The following EXOC4 variants were observed in gnomAD, a reference collection of about 807,000 sequenced individuals.
The protein encoded by EXOC4 is SEC8-like 1.
A neutral mutation model predicts 107.2 loss-of-function variants in EXOC4; 71 were observed. The ratio of observed to expected loss-of-function variants is 0.66; its 90% CI spans 0.55 to 0.81. EXOC4 has a LOEUF of 0.81. Among genes scored for constraint, EXOC4 ranks in the 30% least tolerant of loss-of-function variants. EXOC4 has a pLI of 0.00. For missense variants in EXOC4, 1,108 were observed against 1,189.6 expected (o/e 0.93, Z 1.01); for synonymous variants, 456 against 441.2 (o/e 1.03, Z -0.42).
chr7:133,662,957 G>C (rs1393118779), intron 10 of EXOC4, among the ~76,000 whole-genome samples: 1 of 152,128 alleles, frequency 6.6e-6, no homozygotes, highest in Non-Finnish European at 1.5e-5. Context: ...AAGTGATATG[G>C]CTGTTAATTT....
At chr7:133,755,644 G>A (rs569878767) in intron 10 of EXOC4, among the ~76,000 whole-genome samples, 5 of 151,654 alleles carry the variant, frequency 3.3e-5, no homozygotes, top group Non-Finnish European at 5.9e-5. Flanking sequence ...GCCTGGCATC[G>A]TTTATAATTT....
intron 10 of EXOC4, among the ~76,000 whole-genome samples, chr7:133,770,500 C>T (rs1796223824): frequency 6.6e-6 from 1 of 151,902 alleles, no homozygotes; most frequent in African/African-American, 2.4e-5. Context: ...TGTTTGTAAA[C>T]ATTGAAAGTA....
In EXOC4 at chr7:134,064,340, G is replaced by A. The variant is rs1218461717; in HGVS notation, c.2737G>A (p.Val913Met). 4 of 1,516,728 alleles carry A rather than the reference G, an allele frequency of 2.6e-6. No individual in the cohort carries two copies. Among genetic ancestry groups the A allele is most frequent in the Non-Finnish European group, 3.6e-6 (4 of 1,123,488 alleles). The allele number at this position is 1,516,728 out of a possible 1,614,324, so 94.0% of individuals were successfully genotyped here. ...CACAGCTGACGAGCTCCTGAACCTG[G>A]TGGTGGACCAGGGTGTGAAGTACAC... is the stretch of plus-strand genomic sequence containing the variant. ...YNTADELLNL[V>M]VDQGVKYTEL... Residue 913 changes from valine to methionine, a missense_variant, in exon 18 of 18, where the codon GTG (valine) becomes ATG (methionine). Transcript: ENST00000253861.
chr7:133,998,850 T>C (rs1398563378), intron 15 of EXOC4, among the ~76,000 whole-genome samples: 5 of 152,138 alleles, frequency 3.3e-5, no homozygotes, highest in African/African-American at 1.2e-4. Flanking sequence ...ATCAAGGTGA[T>C]AGAGGTAGAG....
chr7:133,909,295 G>A (rs1799636383), intron 12 of EXOC4, among the ~76,000 whole-genome samples: 1 of 152,070 alleles, frequency 6.6e-6, no homozygotes, highest in South Asian at 2.1e-4. Context: ...CTTAATGGAG[G>A]GAGCTAGATA....
At chr7:133,907,220 A>G (rs1384957899) in intron 12 of EXOC4, among the ~76,000 whole-genome samples, 2 of 152,146 alleles carry the variant, frequency 1.3e-5, no homozygotes, top group Non-Finnish European at 2.9e-5. Context: ...TATACACAAT[A>G]TCTGTTTCAT....
intron 10 of EXOC4, among the ~76,000 whole-genome samples, chr7:133,666,953 G>A (rs1361220076): frequency 6.6e-6 from 1 of 152,110 alleles, no homozygotes; most frequent in Non-Finnish European, 1.5e-5. Flanking sequence ...GCATAGTGGT[G>A]AAGTCTGGAC....
At chr7:134,035,930 A>G (rs983305080) in intron 17 of EXOC4, among the ~76,000 whole-genome samples, 1 of 152,214 alleles carries the variant, frequency 6.6e-6, no homozygotes, top group Non-Finnish European at 1.5e-5. Context: ...CCTGTTGGCC[A>G]GAACTTGATC....
intron 11 of EXOC4, among the ~76,000 whole-genome samples, chr7:133,868,712 AT>A (rs1178245327): frequency 7.2e-5 from 11 of 152,132 alleles, no homozygotes; most frequent in Non-Finnish European, 1.6e-4. Context: ...TCTTGAGTCT[AT>A]TAGAGGAACT....
chr7:133,762,252 G>A (rs1796047511), intron 10 of EXOC4, among the ~76,000 whole-genome samples: 1 of 152,068 alleles, frequency 6.6e-6, no homozygotes, highest in South Asian at 2.1e-4. Flanking sequence ...ATATGAAATT[G>A]CTGGTTTGCA....
chr7:133,763,395 G>A (rs1286713333), intron 10 of EXOC4, among the ~76,000 whole-genome samples: 1 of 152,122 alleles, frequency 6.6e-6, no homozygotes, highest in Non-Finnish European at 1.5e-5. Context: ...AGTTGTGTTG[G>A]TTGGTTTATG....
chr7:133,650,061 G>A (rs1803102008), intron 10 of EXOC4, among the ~76,000 whole-genome samples: 1 of 151,954 alleles, frequency 6.6e-6, no homozygotes. Context: ...AACAGACTTG[G>A]TTAATACTCT....
At chr7:133,406,477 C>T (rs1351584047) in intron 7 of EXOC4, among the ~76,000 whole-genome samples, 1 of 152,028 alleles carries the variant, frequency 6.6e-6, no homozygotes, top group Non-Finnish European at 1.5e-5. Flanking sequence ...CCTGGTTTTA[C>T]CCTTAATGTT....
At chr7:133,610,434 G>C (rs1368171997) in intron 9 of EXOC4, among the ~76,000 whole-genome samples, 1 of 152,120 alleles carries the variant, frequency 6.6e-6, no homozygotes, top group Admixed American at 6.6e-5. Flanking sequence ...GTAAGTTTTT[G>C]CTTTTATAAA....
intron 14 of EXOC4, among the ~76,000 whole-genome samples, chr7:133,939,296 G>A (rs1399598276): frequency 1.3e-5 from 2 of 151,958 alleles, no homozygotes; most frequent in Admixed American, 6.6e-5. Flanking sequence ...GGAAAGGTGT[G>A]GATTAAATTC....
chr7:133,768,984 G>T (rs2151160362), intron 10 of EXOC4, among the ~76,000 whole-genome samples: 1 of 152,076 alleles, frequency 6.6e-6, no homozygotes, highest in Middle Eastern at 3.4e-3. Context: ...GAAGACAGAG[G>T]GAAGGATGTC....
chr7:133,854,445 CACACAT>C lies in EXOC4; in HGVS notation c.1734+36905_1734+36910del, dbSNP rs1483927922. On this transcript the variant is annotated intron_variant, in intron 11 of 17. Transcript: ENST00000253861. ...ACACACACACACACACACACACACA[CACACAT>C]ACATTTTAATCCTGTGCTTCACATG... Among the ~76,000 whole-genome samples the C allele has an allele frequency of 7.4e-4, 112 of 151,200 alleles. 1 individual carries two copies. The highest frequency in any genetic ancestry group is 2.2e-3 in the African/African-American group (92 of 41,004).
intron 14 of EXOC4, among the ~76,000 whole-genome samples, chr7:133,985,459 T>C (rs962952313): frequency 6.6e-6 from 1 of 152,186 alleles, no homozygotes; most frequent in African/African-American, 2.4e-5. Context: ...AGACCAGTTT[T>C]ACCTAGAAGC....
intron 5 of EXOC4, among the ~76,000 whole-genome samples, chr7:133,320,125 G>A (rs951852749): frequency 1.3e-5 from 2 of 152,084 alleles, no homozygotes. Context: ...AGCCAGGTTC[G>A]ACTATGCTCT....
Sources: allele counts gnomAD v4.1 joint callset (sites outside exome capture counted in the v4.1 genomes callset), GRCh38; gene constraint gnomAD v4.1.1; transcripts MANE v1.5; gene names NCBI Gene and HGNC (gene_info 2026-07-23, HGNC 2026-07-21).